The following CLDN16 variants were observed in gnomAD, a reference collection of about 807,000 sequenced individuals.
The protein encoded by CLDN16 is claudin 16.
Under a neutral mutation model 24.6 loss-of-function variants are expected in CLDN16, and 13 were observed. That is an observed-to-expected ratio of 0.53 (90% CI 0.34 to 0.84). The LOEUF is 0.84. CLDN16 is among the 40% of genes least tolerant of loss of function. The pLI, the probability that CLDN16 is intolerant of heterozygous loss-of-function variation, is 0.01. For missense variants in CLDN16, 298 were observed against 292.7 expected (o/e 1.02, Z -0.13); for synonymous variants, 116 against 106.7 (o/e 1.09, Z -0.54).
chr3:190,296,503 G>A, the CLDN16 span, among the ~76,000 whole-genome samples: 1 of 151,796 alleles, frequency 6.6e-6, no homozygotes, highest in East Asian at 1.9e-4. Context: ...TCTAGGAGGA[G>A]AGTAATAACG....
chr3:190,360,037 G>A (rs1717854757), intron 1 of CLDN16, among the ~76,000 whole-genome samples: 2 of 151,958 alleles, frequency 1.3e-5, no homozygotes, highest in Admixed American at 1.3e-4. Flanking sequence ...GCTGAGCTGA[G>A]ACTGAGGCTT....
At chr3:190,299,068 C>T in the CLDN16 span, among the ~76,000 whole-genome samples, 2 of 152,272 alleles carry the variant, frequency 1.3e-5, no homozygotes, top group African/African-American at 4.8e-5. Flanking sequence ...CATCATTAAT[C>T]CACATATGCT....
chr3:190,303,668 C>T, the CLDN16 span, among the ~76,000 whole-genome samples: 5 of 152,274 alleles, frequency 3.3e-5, no homozygotes, highest in South Asian at 2.1e-4. Context: ...AAGAGAATAA[C>T]TCAGACTCCA....
intron 1 of CLDN16, among the ~76,000 whole-genome samples, chr3:190,342,387 A>T (rs898804078): frequency 4.6e-5 from 7 of 152,232 alleles, no homozygotes; most frequent in Non-Finnish European, 8.8e-5. Flanking sequence ...ATATAAAATC[A>T]ACATACAAAA....
chr3:190,401,624 T>C lies in CLDN16; in HGVS notation c.115-713T>C, dbSNP rs374799208. Among the ~76,000 whole-genome samples the C allele has an allele frequency of 2.0e-3, 297 of 152,296 alleles. 1 individual carries two copies. The highest frequency in any genetic ancestry group is 6.7e-3 in the African/African-American group (277 of 41,556). The stretch of plus-strand genomic sequence containing the variant: ...GGAACTGGTACCTTCTAGCTCTAAG[T>C]GGATTCTTAGAGTCATCTGCACATC... On this transcript the variant is annotated intron_variant, in intron 1 of 4. Coordinates refer to ENST00000264734, the MANE Select transcript of CLDN16 (RefSeq NM_006580.4).
chr3:190,320,402 C>T (rs1377555943), upstream of CLDN16, among the ~76,000 whole-genome samples: 1 of 152,148 alleles, frequency 6.6e-6, no homozygotes, highest in Non-Finnish European at 1.5e-5. Context: ...ATATATTTAT[C>T]TTTCCATGGA....
chr3:190,302,771 C>CA, the CLDN16 span, among the ~76,000 whole-genome samples: 3,064 of 134,662 alleles, frequency 0.023, 72 homozygotes, highest in African/African-American at 0.059. Flanking sequence ...AACCCTGTCT[C>CA]AAAAAAAAAT....
chr3:190,386,175 G>T (rs1243565901), upstream of CLDN16, among the ~76,000 whole-genome samples: 1 of 152,132 alleles, frequency 6.6e-6, no homozygotes, highest in Non-Finnish European at 1.5e-5. Context: ...TAGCATTTCA[G>T]ATTTTAGGGC....
At chr3:190,349,321 C>T (rs1717622818) in intron 1 of CLDN16, among the ~76,000 whole-genome samples, 1 of 151,818 alleles carries the variant, frequency 6.6e-6, no homozygotes. Flanking sequence ...CACTCCTTCT[C>T]TCCTGCCACC....
At chr3:190,365,341 T>C (rs1186780905) in intron 1 of CLDN16, among the ~76,000 whole-genome samples, 1 of 151,712 alleles carries the variant, frequency 6.6e-6, no homozygotes, top group African/African-American at 2.4e-5. Flanking sequence ...GCTATTCTGA[T>C]GCTGCACCCA....
chr3:190,376,303 G>C (rs1016194500), intron 3 of CLDN16, among the ~76,000 whole-genome samples: 2 of 151,570 alleles, frequency 1.3e-5, no homozygotes, highest in African/African-American at 2.4e-5. Context: ...TGAAAGATTA[G>C]AAAATTAAAG....
Position 190,409,915 on chromosome 3 carries a change from A to T in CLDN16, c.587A>T (p.Glu196Val). ...CLYLFKDVGPERNYPYSLRKA... is the reference protein window; with the variant it reads ...CLYLFKDVGPVRNYPYSLRKA... ...TTCTTTCAAACAGATGTTGGACCTG[A>T]GAGAAACTATCCTTATTCCTTGAGG... The change falls in exon 5 of 5, where the codon GAG (glutamate) becomes GTG (valine). Residue 196 changes from glutamate to valine, a missense_variant. Physicochemically the swap from Glu to Val is moderately radical, Grantham distance 121 (BLOSUM62 -2). Coordinates refer to ENST00000264734, the MANE Select transcript of CLDN16 (RefSeq NM_006580.4). 1 of 1,614,058 alleles carries T rather than the reference A, an allele frequency of 6.2e-7. No homozygotes were observed. Among genetic ancestry groups the T allele is most frequent in the Non-Finnish European group, 8.5e-7 (1 of 1,179,926 alleles).
At chr3:190,345,544 T>C (rs1331020662) in intron 1 of CLDN16, among the ~76,000 whole-genome samples, 1 of 152,176 alleles carries the variant, frequency 6.6e-6, no homozygotes, top group Non-Finnish European at 1.5e-5. Context: ...TTCAGTTGTG[T>C]TAATCTCATA....
chr3:190,291,843 A>G, the CLDN16 span, among the ~76,000 whole-genome samples: 1 of 152,320 alleles, frequency 6.6e-6, no homozygotes, highest in South Asian at 2.1e-4. Flanking sequence ...TGCAAGTCCA[A>G]AATCCAATAG....
the CLDN16 span, among the ~76,000 whole-genome samples, chr3:190,312,173 C>T: frequency 2.6e-5 from 4 of 151,866 alleles, no homozygotes; most frequent in East Asian, 1.9e-4. Context: ...TCAGGTGATC[C>T]GCCCTCCTCA....
At chr3:190,407,516 C>G (rs1176363918) in intron 3 of CLDN16, among the ~76,000 whole-genome samples, 1 of 152,150 alleles carries the variant, frequency 6.6e-6, no homozygotes, top group African/African-American at 2.4e-5. Flanking sequence ...TAAAAACACT[C>G]TTTTAATTCA....
chr3:190,305,598 A>G, the CLDN16 span: 1 of 152,184 alleles, frequency 6.6e-6, no homozygotes, highest in Non-Finnish European at 1.5e-5. Context: ...GGCCAGAGGC[A>G]TCATAGTTCT....
the CLDN16 span, chr3:190,310,093 C>G: frequency 2.6e-6 from 3 of 1,162,288 alleles, no homozygotes; most frequent in Non-Finnish European, 3.9e-6. Flanking sequence ...GAAATGATGG[C>G]ACTAGCAGGA....
chr3:190,354,111 T>C (rs772631605), intron 1 of CLDN16, among the ~76,000 whole-genome samples: 2 of 152,034 alleles, frequency 1.3e-5, no homozygotes, highest in Non-Finnish European at 2.9e-5. Flanking sequence ...TTCTTCTATG[T>C]CTGTATTGAA....
Sources: gnomAD v4.1 joint callset for allele counts (sites outside exome capture counted in the v4.1 genomes callset) on GRCh38, gnomAD v4.1.1 for gene constraint, MANE v1.5 for transcripts, NCBI Gene and HGNC (gene_info 2026-07-23, HGNC 2026-07-21) for gene names.